Variants in PDSS2 observed in about 807,000 individuals in gnomAD.
PDSS2 encodes decaprenyl diphosphate synthase subunit 2.
Under a neutral mutation model 44.5 loss-of-function variants are expected in PDSS2, and 31 were observed. That is an observed-to-expected ratio of 0.70 (90% CI 0.52 to 0.94). The LOEUF is 0.94. Among genes scored for constraint, PDSS2 ranks in the 40% least tolerant of loss-of-function variants. The pLI is 0.00. For synonymous variants in PDSS2, 157 were observed against 180.3 expected (o/e 0.87, Z 1.03); for missense variants, 452 against 482.2 (o/e 0.94, Z 0.59).
chr6:107,308,721 C>T (rs1470153039), intron 2 of PDSS2, among the ~76,000 whole-genome samples: 2 of 152,194 alleles, frequency 1.3e-5, no homozygotes, highest in Non-Finnish European at 2.9e-5. Context: ...CTGCTACACA[C>T]CCACCCTACT....
chr6:107,292,345 A>T (rs1025632160), intron 2 of PDSS2, among the ~76,000 whole-genome samples: 1 of 152,200 alleles, frequency 6.6e-6, no homozygotes, highest in Non-Finnish European at 1.5e-5. Context: ...AAAGACTTGC[A>T]TTCATTTCCT....
At chr6:107,274,596 T>C (rs1562426548) in intron 2 of PDSS2, among the ~76,000 whole-genome samples, 1 of 152,002 alleles carries the variant, frequency 6.6e-6, no homozygotes, top group Non-Finnish European at 1.5e-5. Flanking sequence ...TCTAATGGAA[T>C]TCCAATTTAA....
chr6:107,269,483 G>A (rs1419959329), intron 3 of PDSS2, among the ~76,000 whole-genome samples: 1 of 151,704 alleles, frequency 6.6e-6, no homozygotes, highest in Non-Finnish European at 1.5e-5. Context: ...CGTTTGAGTT[G>A]TTACTGTTTA....
At chr6:107,176,231 G>A (rs768240377) in intron 7 of PDSS2, among the ~76,000 whole-genome samples, 2 of 151,870 alleles carry the variant, frequency 1.3e-5, no homozygotes, top group African/African-American at 2.4e-5. Context: ...TAGTAGAGAC[G>A]GGGTTTCACC....
chr6:107,240,821 C>T (rs985930332), intron 4 of PDSS2, among the ~76,000 whole-genome samples: 2 of 151,658 alleles, frequency 1.3e-5, no homozygotes, highest in Non-Finnish European at 1.5e-5. Flanking sequence ...CTTATAAACA[C>T]TAAAGAAAGC....
intron 4 of PDSS2, among the ~76,000 whole-genome samples, chr6:107,221,704 T>C (rs1253280595): frequency 6.6e-6 from 1 of 152,186 alleles, no homozygotes; most frequent in Non-Finnish European, 1.5e-5. Context: ...ACTTTACTGC[T>C]CCGAGAGATA....
At chr6:107,272,092 A>C (rs1207774712) in intron 3 of PDSS2, among the ~76,000 whole-genome samples, 3 of 150,300 alleles carry the variant, frequency 2.0e-5, no homozygotes, top group African/African-American at 4.9e-5. Context: ...AACAAAAAAA[A>C]AAAAAAGGAC....
At chr6:107,246,598 A>G (rs1363005032) in intron 3 of PDSS2, among the ~76,000 whole-genome samples, 1 of 152,232 alleles carries the variant, frequency 6.6e-6, no homozygotes, top group Non-Finnish European at 1.5e-5. Context: ...ATTAAGCCAA[A>G]GAATACAGAC....
intron 2 of PDSS2, among the ~76,000 whole-genome samples, chr6:107,293,582 T>C (rs1013233140): frequency 1.3e-5 from 2 of 152,084 alleles, no homozygotes; most frequent in African/African-American, 4.8e-5. Flanking sequence ...AAAGAACTGA[T>C]TACAAAGAGC....
chr6:107,350,442 G>A (rs1381701547), intron 1 of PDSS2, among the ~76,000 whole-genome samples: 1 of 152,148 alleles, frequency 6.6e-6, no homozygotes, highest in African/African-American at 2.4e-5. Context: ...TTTCTGTAGA[G>A]ACAATGTAAA....
At chr6:107,412,913 T>C (rs1490893493) in intron 1 of PDSS2, among the ~76,000 whole-genome samples, 2 of 152,224 alleles carry the variant, frequency 1.3e-5, no homozygotes, top group South Asian at 4.1e-4. Flanking sequence ...TTAGAGTCCA[T>C]CCTTACTCCC....
intron 7 of PDSS2, among the ~76,000 whole-genome samples, chr6:107,169,265 C>T (rs1441939036): frequency 1.3e-5 from 2 of 152,066 alleles, no homozygotes; most frequent in African/African-American, 2.4e-5. Context: ...TCCACTTGAT[C>T]GAGTCGGCTA....
At chr6:107,155,160 TA>T (rs1429374292) in intron 7 of PDSS2, among the ~76,000 whole-genome samples, 5 of 116,962 alleles carry the variant, frequency 4.3e-5, no homozygotes, top group African/African-American at 1.2e-4. Context: ...TTTTTTTTTT[TA>T]AAGAGATGGA....
At chr6:107,455,649 G>A (rs2114879751) in intron 1 of PDSS2, among the ~76,000 whole-genome samples, 1 of 151,750 alleles carries the variant, frequency 6.6e-6, no homozygotes, top group Non-Finnish European at 1.5e-5. Context: ...AGTTACTGGG[G>A]AGGCTGAGGC....
At chr6:107,304,620 T>C (rs1432958162) in intron 2 of PDSS2, among the ~76,000 whole-genome samples, 1 of 152,246 alleles carries the variant, frequency 6.6e-6, no homozygotes, top group Non-Finnish European at 1.5e-5. Context: ...ATAGCACATG[T>C]GTCAAAGTGT....
chr6:107,406,624 T>C (rs932543367), intron 1 of PDSS2, among the ~76,000 whole-genome samples: 1 of 152,222 alleles, frequency 6.6e-6, no homozygotes, highest in African/African-American at 2.4e-5. Context: ...AAACTCTTCC[T>C]TTCATAACTG....
intron 1 of PDSS2, among the ~76,000 whole-genome samples, chr6:107,429,090 G>C (rs1781091311): frequency 6.6e-6 from 1 of 152,146 alleles, no homozygotes; most frequent in African/African-American, 2.4e-5. Flanking sequence ...TTTCTGAGAA[G>C]ACAGAAACTT....
At chr6:107,189,914 G>T (rs79007569) in intron 7 of PDSS2, among the ~76,000 whole-genome samples, 7,665 of 151,674 alleles carry the variant, frequency 0.051, 582 homozygotes, top group African/African-American at 0.17. Flanking sequence ...AATAAAGAAA[G>T]AAAGAAACAA....
intron 3 of PDSS2, among the ~76,000 whole-genome samples, chr6:107,250,345 G>A (rs1469515563): frequency 6.6e-6 from 1 of 152,070 alleles, no homozygotes; most frequent in Non-Finnish European, 1.5e-5. Context: ...AGTCTGAAAG[G>A]AGAGACAACA....
Sources: gnomAD v4.1 joint callset for allele counts (sites outside exome capture counted in the v4.1 genomes callset) on GRCh38, gnomAD v4.1.1 for gene constraint, MANE v1.5 for transcripts, NCBI Gene and HGNC (gene_info 2026-07-23, HGNC 2026-07-21) for gene names.